Variants in GANC observed in about 807,000 individuals in gnomAD.
The protein encoded by GANC is neutral alpha-glucosidase C.
Under a neutral mutation model 124.2 loss-of-function variants are expected in GANC, and 117 were observed. The observed-to-expected ratio is 0.94, with a 90% CI of 0.81 to 1.10. The LOEUF is 1.10. GANC is among the 50% of genes least tolerant of loss of function. GANC has a pLI of 0.00. For missense variants in GANC, 1,140 were observed against 1,095.0 expected, an observed-to-expected ratio of 1.04 and a Z score of -0.58; for synonymous variants, 377 against 376.8, an observed-to-expected ratio of 1.00 and a Z score of -0.01.
chr15:42,330,600 A>G lies in GANC; in HGVS notation c.1669A>G (p.Ile557Val). The change falls in exon 15 of 24, where the codon ATA (isoleucine) becomes GTA (valine). Residue 557 changes from isoleucine to valine, a missense_variant. Transcript: ENST00000318010. ...YHQMATAEGL[I>V]KRSKGKERPF... is the part of the protein sequence containing the mutation. ...GCAAATGGCTACTGCAGAAGGACTGATAAAACGATCTAAAGGGAAGGAGAG... is the reference window on the plus strand; with the variant it reads ...GCAAATGGCTACTGCAGAAGGACTGGTAAAACGATCTAAAGGGAAGGAGAG... 1 of 1,611,956 alleles carries G rather than the reference A, an allele frequency of 6.2e-7. No individual in the cohort carries two copies. Among genetic ancestry groups the G allele is most frequent in the Non-Finnish European group, 8.5e-7 (1 of 1,179,406 alleles).
intron 4 of GANC, among the ~76,000 whole-genome samples, chr15:42,291,215 A>G (rs577408384): frequency 5.4e-4 from 82 of 152,342 alleles, no homozygotes; most frequent in African/African-American, 1.9e-3. Flanking sequence ...TAGACCAGAA[A>G]GAAGGAACTT....
At chr15:42,297,839 TCA>T (rs2051906504) in intron 6 of GANC, among the ~76,000 whole-genome samples, 183 bp downstream of exon 6, 2 of 3,970 alleles carry the variant, frequency 5.0e-4, no homozygotes, top group Non-Finnish European at 0.25. Flanking sequence ...ATTCATTTAT[TCA>T]TTCATTCATT....
At chr15:42,337,719 TA>T (rs1365459373) in intron 15 of GANC, among the ~76,000 whole-genome samples, 1 of 152,198 alleles carries the variant, frequency 6.6e-6, no homozygotes, top group Non-Finnish European at 1.5e-5. Context: ...TGAACTTAAA[TA>T]TTTTTTTTAA....
Position 42,349,515 on chromosome 15 carries a change from C to T in GANC, c.2531+20C>T. The T allele has an allele frequency of 7.1e-7, 1 of 1,402,730 alleles. No homozygotes were observed. The highest frequency in any genetic ancestry group is 1.0e-6 in the Non-Finnish European group (1 of 988,006). The allele number at this position is 1,402,730 out of a possible 1,614,324, so 86.9% of individuals were successfully genotyped here. A position where few individuals can be genotyped will look rare whatever the true frequency, so the allele number is the denominator to read the frequency against. On this transcript the variant is annotated intron_variant, in intron 22 of 23. Coordinates refer to ENST00000318010, the MANE Select transcript of GANC (RefSeq NM_198141.3). The stretch of plus-strand genomic sequence containing the variant: ...CAATAGGTAATGGCAGCTAAAGAAA[C>T]TGTTTGTTTTCTTAAGTAAATCACA...
chr15:42,334,360 C>T (rs1156953862), intron 15 of GANC, among the ~76,000 whole-genome samples: 1 of 152,100 alleles, frequency 6.6e-6, no homozygotes, highest in Admixed American at 6.6e-5. Flanking sequence ...CAGGGTTTCA[C>T]CATGTTGGGC....
intron 10 of GANC, among the ~76,000 whole-genome samples, chr15:42,319,161 T>G (rs968094660): frequency 6.6e-6 from 1 of 152,178 alleles, no homozygotes; most frequent in African/African-American, 2.4e-5. Context: ...TATCCTCTGA[T>G]GGTTCCTTGG....
chr15:42,326,142 T>G (rs1253388752), intron 11 of GANC, among the ~76,000 whole-genome samples, 156 bp from the exon 12 acceptor site: 2 of 152,246 alleles, frequency 1.3e-5, no homozygotes, highest in African/African-American at 2.4e-5. Context: ...GAAATATTTA[T>G]TTTTTGTTTT....
intron 11 of GANC, among the ~76,000 whole-genome samples, chr15:42,324,650 A>G (rs993842287): frequency 1.3e-5 from 2 of 152,218 alleles, no homozygotes; most frequent in Admixed American, 6.5e-5. Context: ...ATACTACAGC[A>G]TGGATGAACC....
At chr15:42,284,714 A>G (rs1039957032) in intron 3 of GANC, among the ~76,000 whole-genome samples, 2 of 152,174 alleles carry the variant, frequency 1.3e-5, no homozygotes, top group African/African-American at 4.8e-5. Flanking sequence ...CAGTCATGGC[A>G]CACTGTAACC....
At chr15:42,283,734 C>T in intron 3 of GANC, 1 of 702,554 alleles carries the variant, frequency 1.4e-6, no homozygotes, top group Non-Finnish European at 2.6e-6. Flanking sequence ...GAAAATGAAG[C>T]TTTGCCCAAC....
intron 13 of GANC, 175 bp downstream of exon 13, chr15:42,327,617 A>G (rs1249530080): frequency 1.8e-6 from 1 of 548,910 alleles, no homozygotes; most frequent in East Asian, 3.0e-5. Context: ...GAGAGGTGCC[A>G]TATGCATAAG....
chr15:42,318,368 G>A (rs4924671), intron 10 of GANC, among the ~76,000 whole-genome samples: 138,466 of 152,176 alleles, frequency 0.91, 64,349 homozygotes, highest in Non-Finnish European at 1. Context: ...TTTACCTTTG[G>A]CTGATAATTT....
At chr15:42,329,200 A>G in intron 13 of GANC, 106 bp from the exon 14 acceptor site, 1 of 1,135,250 alleles carries the variant, frequency 8.8e-7, no homozygotes, top group Non-Finnish European at 1.3e-6. Flanking sequence ...AGCAGAGGAC[A>G]GAGCATAGAT....
At chr15:42,337,016 T>C (rs1385569773) in intron 15 of GANC, among the ~76,000 whole-genome samples, 5 of 152,150 alleles carry the variant, frequency 3.3e-5, no homozygotes, top group African/African-American at 1.2e-4. Context: ...GAAAGGACAA[T>C]GCTTATACAC....
In GANC at chr15:42,274,507, TAAG is replaced by T. The variant is rs1275423087; in HGVS notation, c.27_29del (p.Ser10del). 6.2e-7 allele frequency: 1 copy of T among 1,609,370 alleles called. No individual in the cohort carries two copies. Among genetic ancestry groups the T allele is most frequent in the African/African-American group, 1.3e-5 (1 of 74,838 alleles). ...ATGGAAGCAGCAGTGAAAGAGGAAA[TAAG>T]GTAAAGGCCAAGTGCTTCTGTAGCG... On this transcript the variant is annotated inframe_deletion and splice_region_variant, in exon 1 of 24. Transcript: ENST00000318010.
chr15:42,315,980 C>T (rs544861953), intron 10 of GANC, among the ~76,000 whole-genome samples: 2 of 152,120 alleles, frequency 1.3e-5, no homozygotes, highest in East Asian at 3.9e-4. Flanking sequence ...TTGTATCTCT[C>T]TCTGTGTATG....
At chr15:42,337,383 A>G (rs1292658019) in intron 15 of GANC, among the ~76,000 whole-genome samples, 1 of 152,180 alleles carries the variant, frequency 6.6e-6, no homozygotes, top group Non-Finnish European at 1.5e-5. Flanking sequence ...TTTTATATAT[A>G]TGAATGAGAT....
chr15:42,349,647 C>T (rs1400155569), intron 22 of GANC, 152 bp downstream of exon 22: 2 of 604,450 alleles, frequency 3.3e-6, no homozygotes, highest in Non-Finnish European at 5.8e-6. Flanking sequence ...CTTTTCTTTT[C>T]TTTTCTTTTT....
intron 6 of GANC, among the ~76,000 whole-genome samples, chr15:42,302,194 G>A (rs1159755077): frequency 6.6e-6 from 1 of 152,184 alleles, no homozygotes; most frequent in Non-Finnish European, 1.5e-5. Flanking sequence ...GCCTCTGCTG[G>A]TAATACTCAG....
Sources: gnomAD v4.1 joint callset for allele counts (sites outside exome capture counted in the v4.1 genomes callset) on GRCh38, gnomAD v4.1.1 for gene constraint, MANE v1.5 for transcripts, NCBI Gene and HGNC (gene_info 2026-07-23, HGNC 2026-07-21) for gene names.